The following PAX2 variants were observed in gnomAD, a reference collection of about 807,000 sequenced individuals.
The protein encoded by PAX2 is paired box 2.
PAX2 carries 9 observed loss-of-function variants against 41.7 expected under a neutral mutation model. The observed-to-expected ratio is 0.22, with a 90% CI of 0.13 to 0.38. The LOEUF (loss-of-function observed/expected upper bound fraction) is 0.38. PAX2 is among the 10% of genes least tolerant of loss of function. The pLI is 1.00. For missense variants in PAX2, 418 were observed against 531.6 expected, an observed-to-expected ratio of 0.79 and a Z score of 2.10; for synonymous variants, 221 against 212.7, an observed-to-expected ratio of 1.04 and a Z score of -0.34.
intron 5 of PAX2, among the ~76,000 whole-genome samples, chr10:100,789,014 TCTCTCTGCTTTTG>T (rs1362774099): frequency 1.3e-5 from 2 of 152,106 alleles, no homozygotes; most frequent in Admixed American, 1.3e-4. Context: ...TTGCAGGGCC[TCTCTCTGCTTTTG>T]CTCTCCTCCC....
intron 5 of PAX2, among the ~76,000 whole-genome samples, chr10:100,789,908 C>T (rs769358748): frequency 1.1e-4 from 16 of 152,054 alleles, no homozygotes; most frequent in Non-Finnish European, 1.8e-4. Flanking sequence ...TAGGTTCTGT[C>T]GATGTTTTAG....
At chr10:100,785,915 C>T (rs1388784552) in intron 5 of PAX2, among the ~76,000 whole-genome samples, 4 of 152,210 alleles carry the variant, frequency 2.6e-5, no homozygotes, top group African/African-American at 4.8e-5. Flanking sequence ...CCTTCATCAG[C>T]TCAATCTTCT....
intron 5 of PAX2, among the ~76,000 whole-genome samples, chr10:100,801,129 A>G (rs1369107046): frequency 6.6e-6 from 1 of 152,108 alleles, no homozygotes; most frequent in Non-Finnish European, 1.5e-5. Flanking sequence ...TATTTAGTCC[A>G]CAGCTGTCAG....
At position 100,827,176 on chromosome 10, in the gene PAX2, C is replaced by T. The variant is rs894019305; in HGVS notation, c.1108+81C>T. ...ACGGTCCCACTCCCGGCGACCCGAC[C>T]TCTGGGGACCCGGCCGGGCCAGGGG... On this transcript the variant is annotated intron_variant, in intron 9 of 9. Transcript: ENST00000355243. This position sits in a 1 kb window ranked among gnomAD's most constrained non-coding sequence, Gnocchi z 8.5. 7 of 1,157,622 alleles carry T rather than the reference C, an allele frequency of 6.0e-6. No homozygotes were observed. Among genetic ancestry groups the T allele is most frequent in the African/African-American group, 1.5e-5 (1 of 65,578 alleles). The allele number at this position is 1,157,622 out of a possible 1,614,324, so 71.7% of individuals were successfully genotyped here.
At chr10:100,782,239 A>G (rs766195326) in intron 5 of PAX2, among the ~76,000 whole-genome samples, 1 of 152,018 alleles carries the variant, frequency 6.6e-6, no homozygotes, top group Non-Finnish European at 1.5e-5. Flanking sequence ...TTTTAAAGAC[A>G]TCTCCCAGGA....
chr10:100,748,332 G>A lies in PAX2; in HGVS notation c.44-1414G>A, dbSNP rs1845284072. ...GGGCTAGAGATAGGGAGATTAACGG[G>A]GTGGGCAAGGGGGTAAAAGAAGGGG... is the stretch of plus-strand genomic sequence containing the variant. On this transcript the variant is annotated intron_variant, in intron 1 of 9. Coordinates refer to ENST00000355243, the MANE Select transcript of PAX2 (RefSeq NM_000278.5). This position sits in a 1 kb window ranked among gnomAD's most constrained non-coding sequence, Gnocchi z 5.0. 1.0e-6 allele frequency: 1 copy of A among 984,518 alleles called. No individual in the cohort carries two copies. The highest frequency in any genetic ancestry group is 1.2e-6 in the Non-Finnish European group (1 of 829,380). 61.0% of individuals were successfully genotyped at this position (984,518 alleles called of 1,614,324 possible).
chr10:100,804,994 TCTCCTTC>T (rs1847710996), intron 5 of PAX2, among the ~76,000 whole-genome samples: 2 of 145,990 alleles, frequency 1.4e-5, no homozygotes, highest in Non-Finnish European at 3.0e-5. Flanking sequence ...TCTCTCTCTC[TCTCCTTC>T]TCTCTCTCTC....
At chr10:100,812,330 A>C (rs1848019584) in intron 7 of PAX2, among the ~76,000 whole-genome samples, 1 of 152,224 alleles carries the variant, frequency 6.6e-6, no homozygotes, top group African/African-American at 2.4e-5. Flanking sequence ...GCTCAGCGGC[A>C]TCTCTTCTCT....
intron 1 of PAX2, among the ~76,000 whole-genome samples, chr10:100,738,162 T>C (rs1391965798): frequency 6.6e-6 from 1 of 152,206 alleles, no homozygotes; most frequent in African/African-American, 2.4e-5. Flanking sequence ...GTTCCCAGGT[T>C]TCTTTCTACC....
At chr10:100,794,780 G>A (rs1243957089) in intron 5 of PAX2, among the ~76,000 whole-genome samples, 5 of 152,144 alleles carry the variant, frequency 3.3e-5, no homozygotes, top group South Asian at 2.1e-4. Context: ...TATTGAGTTC[G>A]TGGTCAACTA....
intron 5 of PAX2, among the ~76,000 whole-genome samples, chr10:100,793,258 A>G (rs573066921): frequency 6.6e-6 from 1 of 152,322 alleles, no homozygotes. Flanking sequence ...CAGCCCCTGC[A>G]GCAGGCCAGC....
intron 5 of PAX2, among the ~76,000 whole-genome samples, chr10:100,782,482 A>G (rs1332991542): frequency 6.6e-6 from 1 of 152,226 alleles, no homozygotes; most frequent in Non-Finnish European, 1.5e-5. Flanking sequence ...AAAAGGGACA[A>G]CACTGAGCTT....
At chr10:100,749,996 A>G in intron 2 of PAX2, 82 bp downstream of exon 2, 1 of 1,501,580 alleles carries the variant, frequency 6.7e-7, no homozygotes, top group Admixed American at 1.9e-5. Flanking sequence ...GGACGTGGCT[A>G]AAAGTCCAGC....
chr10:100,779,651 C>T (rs1266502899), intron 4 of PAX2, 68 bp downstream of exon 4: 1 of 1,246,364 alleles, frequency 8.0e-7, no homozygotes, highest in Admixed American at 2.0e-5. Context: ...CGCAGCTCCA[C>T]CCCTGGGAAC....
chr10:100,736,600 C>G (rs1482656685), intron 1 of PAX2, among the ~76,000 whole-genome samples: 1 of 150,480 alleles, frequency 6.6e-6, no homozygotes, highest in East Asian at 1.9e-4. Flanking sequence ...CTCCCCCCTC[C>G]CCCAGCTCAG....
intron 3 of PAX2, among the ~76,000 whole-genome samples, chr10:100,752,286 C>T (rs1312514234): frequency 6.6e-6 from 1 of 152,234 alleles, no homozygotes; most frequent in Non-Finnish European, 1.5e-5. Flanking sequence ...CTGGCTCAGC[C>T]AGGTATTGAA....
intron 5 of PAX2, among the ~76,000 whole-genome samples, chr10:100,792,471 T>C (rs1476338759): frequency 6.6e-6 from 1 of 152,214 alleles, no homozygotes; most frequent in Non-Finnish European, 1.5e-5. Flanking sequence ...CAGTGAGAAG[T>C]CTATCTCCCT....
chr10:100,744,647 G>A (rs972638232), upstream of PAX2, among the ~76,000 whole-genome samples: 5 of 152,176 alleles, frequency 3.3e-5, no homozygotes, highest in African/African-American at 9.7e-5. Flanking sequence ...AGCCAGCCTC[G>A]TCTCCCACAT....
rs61427057 is a variant in PAX2, at chr10:100,783,786, G to A, written c.616+2421G>A. On this transcript the variant is annotated intron_variant, in intron 5 of 9. Coordinates refer to ENST00000355243, the MANE Select transcript of PAX2 (RefSeq NM_000278.5). The stretch of plus-strand genomic sequence containing the variant: ...ATGCACCAGGGCCATGTTGCAGGAA[G>A]CAGTGAAAGCCTTCAAAGCAAGAGA... 6.7e-3 allele frequency among the ~76,000 whole-genome samples: 1,010 copies of A among 151,336 alleles called. 9 individuals carry two copies. Among genetic ancestry groups the A allele is most frequent in the African/African-American group, 0.023 (964 of 41,250 alleles).
Sources: allele counts gnomAD v4.1 joint callset (sites outside exome capture counted in the v4.1 genomes callset), GRCh38; gene constraint gnomAD v4.1.1; non-coding constraint Gnocchi (gnomAD v3.1); transcripts MANE v1.5; gene names NCBI Gene and HGNC (gene_info 2026-07-23, HGNC 2026-07-21).